The following PPARGC1A variants were observed in gnomAD, a reference collection of about 807,000 sequenced individuals.
The protein encoded by PPARGC1A is PPARG coactivator 1 alpha.
PPARGC1A carries 25 observed loss-of-function variants against 88.7 expected under a neutral mutation model. That is an observed-to-expected ratio of 0.28 (90% confidence interval 0.21 to 0.39). The LOEUF is 0.39. PPARGC1A is among the 10% of genes least tolerant of loss of function. PPARGC1A has a pLI of 1.00. For missense variants in PPARGC1A, 880 were observed against 968.7 expected (o/e 0.91, Z 1.22); for synonymous variants, 363 against 355.6 (o/e 1.02, Z -0.24).
chr4:24,079,164 T>C, the PPARGC1A span, among the ~76,000 whole-genome samples: 2 of 152,040 alleles, frequency 1.3e-5, no homozygotes, highest in South Asian at 4.1e-4. Context: ...TAGAATAATA[T>C]TAAGTCAAGT....
intron 2 of PPARGC1A, among the ~76,000 whole-genome samples, chr4:23,866,953 G>A (rs1007341233): frequency 2.0e-5 from 3 of 152,140 alleles, no homozygotes; most frequent in African/African-American, 7.2e-5. Flanking sequence ...GACGGGACTT[G>A]TTAGAAGGCA....
At chr4:24,188,237 G>A in the PPARGC1A span, among the ~76,000 whole-genome samples, 2 of 152,076 alleles carry the variant, frequency 1.3e-5, no homozygotes, top group African/African-American at 4.8e-5. Flanking sequence ...GTGCCATATA[G>A]TTTGTGTGCT....
the PPARGC1A span, among the ~76,000 whole-genome samples, chr4:24,321,236 G>A: frequency 3.3e-5 from 5 of 152,148 alleles, no homozygotes; most frequent in Non-Finnish European, 5.9e-5. Flanking sequence ...AAGAAACAAA[G>A]GTCACCCAAC....
At position 23,836,747 on chromosome 4, in the gene PPARGC1A, A is replaced by T. The variant is rs540856334; in HGVS notation, c.235-4996T>A. 5.3e-5 allele frequency among the ~76,000 whole-genome samples: 8 copies of T among 152,226 alleles called. No individual in the cohort carries two copies. In the East Asian group the frequency reaches 1.5e-3, roughly 29 times the overall value. ...ACCTCTACATTAAAATTCTGAACCC[A>T]GTTTGTAATATTTGGGTCTTCTTCC... On this transcript the variant is annotated intron_variant, in intron 2 of 12. Transcript: ENST00000264867.
At chr4:24,058,843 G>C in the PPARGC1A span, among the ~76,000 whole-genome samples, 1 of 152,138 alleles carries the variant, frequency 6.6e-6, no homozygotes, top group Non-Finnish European at 1.5e-5. Flanking sequence ...TACTAGGGAG[G>C]CTGAGGCAGG....
the PPARGC1A span, among the ~76,000 whole-genome samples, chr4:24,311,338 T>C: frequency 1.4e-5 from 2 of 144,368 alleles, no homozygotes; most frequent in Admixed American, 6.8e-5. Flanking sequence ...CCTGACCTCA[T>C]GATCCGCCCG....
At chr4:24,399,920 G>C in the PPARGC1A span, among the ~76,000 whole-genome samples, 7 of 151,854 alleles carry the variant, frequency 4.6e-5, no homozygotes, top group African/African-American at 1.5e-4. Context: ...TGAGCAGCTG[G>C]AATTACAGGC....
chr4:24,242,178 C>T, the PPARGC1A span, among the ~76,000 whole-genome samples: 3 of 152,286 alleles, frequency 2.0e-5, no homozygotes, highest in South Asian at 2.1e-4. Context: ...ACACCACAGC[C>T]GAGTGACAGT....
At chr4:24,422,954 T>C in the PPARGC1A span, among the ~76,000 whole-genome samples, 1 of 152,202 alleles carries the variant, frequency 6.6e-6, no homozygotes, top group African/African-American at 2.4e-5. Context: ...TGGGAAGACA[T>C]AGACACCTTG....
the PPARGC1A span, among the ~76,000 whole-genome samples, chr4:24,406,954 G>T: frequency 6.6e-6 from 1 of 152,182 alleles, no homozygotes; most frequent in African/African-American, 2.4e-5. Context: ...GTATCCTCTT[G>T]CTGCTCATTC....
the PPARGC1A span, among the ~76,000 whole-genome samples, chr4:24,413,612 G>A: frequency 4.6e-5 from 7 of 152,074 alleles, no homozygotes; most frequent in East Asian, 1.9e-4. Flanking sequence ...AGATCCTTGT[G>A]GGGGGGTAGG....
chr4:24,471,837 C>G, the PPARGC1A span, among the ~76,000 whole-genome samples: 4 of 152,374 alleles, frequency 2.6e-5, no homozygotes, highest in South Asian at 4.1e-4. The surrounding 1 kb of genome is among the most constrained non-coding windows in gnomAD (Gnocchi z 5.4). Context: ...CCACCCCCCC[C>G]ACCTCCGCGG....
At chr4:23,895,860 A>T (rs946272979) in intron 1 of PPARGC1A, among the ~76,000 whole-genome samples, 1 of 151,918 alleles carries the variant, frequency 6.6e-6, no homozygotes, top group Non-Finnish European at 1.5e-5. Flanking sequence ...CCAATGCGAC[A>T]TTATTTGCAT....
At chr4:24,047,195 C>T in the PPARGC1A span, among the ~76,000 whole-genome samples, 1 of 152,188 alleles carries the variant, frequency 6.6e-6, no homozygotes. Context: ...CAGAGTGATG[C>T]TCTCTCTACT....
At chr4:23,999,804 A>G in the PPARGC1A span, among the ~76,000 whole-genome samples, 94 of 152,188 alleles carry the variant, frequency 6.2e-4, no homozygotes, top group Non-Finnish European at 7.3e-5. Context: ...GACGACAGAA[A>G]GGAGCAGCAT....
chr4:24,287,197 C>T, the PPARGC1A span, among the ~76,000 whole-genome samples: 1 of 135,824 alleles, frequency 7.4e-6, no homozygotes, highest in Admixed American at 7.5e-5. Context: ...CCACCAGCCC[C>T]AGTTGTGACC....
chr4:24,139,874 G>C, the PPARGC1A span, among the ~76,000 whole-genome samples: 1 of 152,174 alleles, frequency 6.6e-6, no homozygotes, highest in South Asian at 2.1e-4. Flanking sequence ...AGTCCATTAC[G>C]GCTCAATTAT....
chr4:24,384,355 A>C, the PPARGC1A span, among the ~76,000 whole-genome samples: 1 of 152,132 alleles, frequency 6.6e-6, no homozygotes, highest in Admixed American at 6.6e-5. Context: ...CTAACATCAT[A>C]ATGACAGGAT....
the PPARGC1A span, among the ~76,000 whole-genome samples, chr4:24,311,199 A>C: frequency 7.4e-6 from 1 of 134,550 alleles, no homozygotes; most frequent in African/African-American, 2.7e-5. Context: ...TCCTGGGTTC[A>C]CGCCATTCTC....
Sources: gnomAD v4.1 joint callset for allele counts (sites outside exome capture counted in the v4.1 genomes callset) on GRCh38, gnomAD v4.1.1 for gene constraint, Gnocchi (gnomAD v3.1) non-coding constraint, MANE v1.5 for transcripts, NCBI Gene and HGNC (gene_info 2026-07-23, HGNC 2026-07-21) for gene names.